Variants in CNTN4 observed in about 807,000 individuals in gnomAD.
CNTN4 encodes the protein contactin 4.
Under a neutral mutation model 122.5 loss-of-function variants are expected in CNTN4, and 77 were observed. The observed-to-expected ratio is 0.63, with a 90% CI of 0.52 to 0.76. The LOEUF is 0.76. Among genes scored for constraint, CNTN4 ranks in the 30% least tolerant of loss-of-function variants. The pLI, the probability that CNTN4 is intolerant of heterozygous loss-of-function variation, is 0.00. For synonymous variants in CNTN4, 512 were observed against 447.0 expected (o/e 1.15, Z -1.83); for missense variants, 1,256 against 1,259.1 (o/e 1.00, Z 0.04).
intron 4 of CNTN4, among the ~76,000 whole-genome samples, chr3:2,605,164 T>G (rs1224185272): frequency 1.3e-5 from 2 of 152,182 alleles, no homozygotes; most frequent in African/African-American, 4.8e-5. Flanking sequence ...ACACCATGCC[T>G]GTCTAATATT....
chr3:2,378,473 C>A (rs1366281675), intron 3 of CNTN4, among the ~76,000 whole-genome samples: 1 of 152,168 alleles, frequency 6.6e-6, no homozygotes, highest in Non-Finnish European at 1.5e-5. Flanking sequence ...CAGCTTAGTG[C>A]CCTGGAAAAC....
At chr3:2,532,448 T>C (rs1285965827) in intron 3 of CNTN4, among the ~76,000 whole-genome samples, 5 of 152,132 alleles carry the variant, frequency 3.3e-5, no homozygotes, top group Admixed American at 6.6e-5. Context: ...GGGAGAATTC[T>C]TTCTTTTGAC....
chr3:2,164,905 G>A (rs185990795), intron 2 of CNTN4, among the ~76,000 whole-genome samples: 8 of 152,270 alleles, frequency 5.3e-5, no homozygotes, highest in East Asian at 1.9e-4. Context: ...ACTTAAGGAT[G>A]TACTATAGCC....
intron 4 of CNTN4, among the ~76,000 whole-genome samples, chr3:2,730,132 G>A (rs1478118119): frequency 6.6e-6 from 1 of 152,000 alleles, no homozygotes; most frequent in African/African-American, 2.4e-5. Context: ...TTTTTGTGGG[G>A]GGTGGCAGTG....
chr3:2,576,380 T>C (rs1393222784), intron 4 of CNTN4, among the ~76,000 whole-genome samples: 1 of 152,188 alleles, frequency 6.6e-6, no homozygotes, highest in African/African-American at 2.4e-5. Flanking sequence ...GTCACCCTGA[T>C]ACCAACTCTA....
intron 8 of CNTN4, among the ~76,000 whole-genome samples, chr3:2,875,081 C>A (rs1474692894): frequency 6.6e-6 from 1 of 152,148 alleles, no homozygotes; most frequent in Non-Finnish European, 1.5e-5. Flanking sequence ...CTCCCAGGTT[C>A]AAGCAATTCT....
intron 2 of CNTN4, among the ~76,000 whole-genome samples, chr3:2,106,586 A>C (rs1022177803): frequency 1.1e-4 from 16 of 152,210 alleles, no homozygotes; most frequent in African/African-American, 3.9e-4. Context: ...CAGGGCACCA[A>C]GTCCCTAGGC....
At chr3:2,707,162 C>T (rs1006948976) in intron 4 of CNTN4, among the ~76,000 whole-genome samples, 4 of 151,728 alleles carry the variant, frequency 2.6e-5, no homozygotes, top group Non-Finnish European at 4.4e-5. Flanking sequence ...AAAAATTAGA[C>T]GGGCATGGTG....
chr3:2,569,136 G>T (rs2079309278), intron 3 of CNTN4, among the ~76,000 whole-genome samples: 2 of 152,248 alleles, frequency 1.3e-5, no homozygotes, highest in Middle Eastern at 6.8e-3. Flanking sequence ...CACATCAGCA[G>T]ATCCGAAGTT....
intron 3 of CNTN4, among the ~76,000 whole-genome samples, chr3:2,514,579 G>T (rs1262120260): frequency 6.6e-6 from 1 of 152,108 alleles, no homozygotes; most frequent in Non-Finnish European, 1.5e-5. Flanking sequence ...CATTGTCAAA[G>T]TATACACTCC....
chr3:2,992,242 CA>C (rs1398414437), intron 14 of CNTN4, among the ~76,000 whole-genome samples: 1 of 152,156 alleles, frequency 6.6e-6, no homozygotes, highest in Non-Finnish European at 1.5e-5. Context: ...GACAGGTGCC[CA>C]GGGGGCTCTT....
chr3:2,625,101 A>T (rs535046988), intron 4 of CNTN4, among the ~76,000 whole-genome samples: 2 of 152,358 alleles, frequency 1.3e-5, no homozygotes, highest in African/African-American at 4.8e-5. Context: ...CAGTAAAAAT[A>T]CATAGTAAGA....
intron 6 of CNTN4, among the ~76,000 whole-genome samples, chr3:2,780,970 C>G (rs995771512): frequency 2.0e-5 from 3 of 152,284 alleles, no homozygotes; most frequent in African/African-American, 7.2e-5. Context: ...CACTTGAGCA[C>G]ATGAGACTGT....
intron 6 of CNTN4, among the ~76,000 whole-genome samples, chr3:2,814,690 A>G (rs900335131): frequency 3.3e-5 from 5 of 152,210 alleles, no homozygotes; most frequent in African/African-American, 1.2e-4. Context: ...ACTTTACGAA[A>G]TCAGTGAAGA....
At chr3:2,636,353 C>G (rs184973583) in intron 4 of CNTN4, among the ~76,000 whole-genome samples, 2 of 152,256 alleles carry the variant, frequency 1.3e-5, no homozygotes, top group Admixed American at 6.5e-5. Flanking sequence ...ACTAATTATG[C>G]TTATGTAAAT....
intron 3 of CNTN4, among the ~76,000 whole-genome samples, chr3:2,532,640 A>C (rs1309393815): frequency 1.3e-5 from 2 of 152,160 alleles, no homozygotes; most frequent in African/African-American, 2.4e-5. Flanking sequence ...AACCAAAAAC[A>C]AATATATTCT....
At chr3:2,312,170 A>G (rs918827918) in intron 2 of CNTN4, among the ~76,000 whole-genome samples, 59 of 152,098 alleles carry the variant, frequency 3.9e-4, no homozygotes, top group African/African-American at 1.2e-3. Flanking sequence ...TTAGCCAGGT[A>G]TAGTGGTGCA....
intron 16 of CNTN4, among the ~76,000 whole-genome samples, chr3:3,033,943 C>T (rs1450191175): frequency 6.6e-6 from 1 of 152,180 alleles, no homozygotes. Context: ...GCAGAAACTA[C>T]AGATGAGGGT....
At chr3:2,117,709 G>A (rs1471063040) in intron 2 of CNTN4, among the ~76,000 whole-genome samples, 1 of 152,182 alleles carries the variant, frequency 6.6e-6, no homozygotes, top group African/African-American at 2.4e-5. Flanking sequence ...TGGGGTGTAG[G>A]ACAAATACAT....
Sources: gnomAD v4.1 joint callset for allele counts (sites outside exome capture counted in the v4.1 genomes callset) on GRCh38, gnomAD v4.1.1 for gene constraint, MANE v1.5 for transcripts, NCBI Gene and HGNC (gene_info 2026-07-23, HGNC 2026-07-21) for gene names.